Variants in PCDHGA7 observed in about 807,000 individuals in gnomAD.
PCDHGA7 encodes the protein protocadherin gamma-A7.
Under a neutral mutation model 58.3 loss-of-function variants are expected in PCDHGA7, and 44 were observed. The ratio of observed to expected loss-of-function variants is 0.75; its 90% CI spans 0.59 to 0.97. The LOEUF is 0.97. Ranked by LOEUF, PCDHGA7 falls within the 50% of genes least tolerant of loss-of-function variation. The pLI, the probability that PCDHGA7 is intolerant of heterozygous loss-of-function variation, is 0.00. For synonymous variants in PCDHGA7, 516 were observed against 504.2 expected, an observed-to-expected ratio of 1.02 and a Z score of -0.31; for missense variants, 1,266 against 1,188.7, an observed-to-expected ratio of 1.06 and a Z score of -0.96.
intron 1 of PCDHGA7, among the ~76,000 whole-genome samples, chr5:141,455,172 G>GT (rs1344126228): frequency 3.3e-5 from 5 of 150,340 alleles, no homozygotes; most frequent in South Asian, 4.2e-4. Context: ...TTTTTTTTTA[G>GT]TTTTTTTATT....
chr5:141,413,909 T>A (rs772084941), intron 1 of PCDHGA7: 1 of 1,613,316 alleles, frequency 6.2e-7, no homozygotes. Flanking sequence ...AACGCGCCGG[T>A]CTTCACCTTG....
At chr5:141,412,861 A>T (rs925106716) in intron 1 of PCDHGA7, 19 of 235,604 alleles carry the variant, frequency 8.1e-5, no homozygotes, top group African/African-American at 3.4e-4. Context: ...CAAAGAATCT[A>T]TGTAAAATAT....
chr5:141,419,759 G>A (rs1179602962), intron 1 of PCDHGA7: 2 of 1,614,004 alleles, frequency 1.2e-6, no homozygotes, highest in Admixed American at 3.3e-5. Context: ...TGCTTTGGGT[G>A]ACAAGGACTC....
chr5:141,475,167 G>A (rs529813171), intron 1 of PCDHGA7, among the ~76,000 whole-genome samples: 4 of 152,042 alleles, frequency 2.6e-5, no homozygotes, highest in Admixed American at 6.6e-5. Flanking sequence ...CATTAGCAGT[G>A]CAACTTCTTG....
At chr5:141,421,678 G>T in intron 1 of PCDHGA7, 3 of 1,613,892 alleles carry the variant, frequency 1.9e-6, no homozygotes, top group Non-Finnish European at 2.5e-6. Context: ...AATTCCTGGG[G>T]CGCGATTTGC....
intron 3 of PCDHGA7, among the ~76,000 whole-genome samples, chr5:141,507,713 C>T (rs2099862763): frequency 6.6e-6 from 1 of 152,234 alleles, no homozygotes; most frequent in Non-Finnish European, 1.5e-5. Flanking sequence ...GGCCCCAAAC[C>T]CTCCAAGCAA....
At chr5:141,414,310 G>A in intron 1 of PCDHGA7, 1 of 1,613,722 alleles carries the variant, frequency 6.2e-7, no homozygotes, top group South Asian at 1.1e-5. Context: ...GCATGATTTA[G>A]ACTCTGAGCA....
At chr5:141,452,511 A>G (rs573632978) in intron 1 of PCDHGA7, among the ~76,000 whole-genome samples, 1 of 152,056 alleles carries the variant, frequency 6.6e-6, no homozygotes, top group South Asian at 2.1e-4. Context: ...TTGTACACAC[A>G]CTCCCTCAAA....
chr5:141,432,281 A>C lies in PCDHGA7; in HGVS notation c.2424+46958A>C, dbSNP rs1313887209. 1 of 1,614,188 alleles carries C rather than the reference A, an allele frequency of 6.2e-7. No individual in the cohort carries two copies. The highest frequency in any genetic ancestry group is 1.1e-5 in the South Asian group (1 of 91,084). On this transcript the variant is annotated intron_variant, in intron 1 of 3. Coordinates refer to ENST00000518325, the MANE Select transcript of PCDHGA7 (RefSeq NM_018920.4). The surrounding 1 kb of genome is among the most constrained non-coding windows in gnomAD (Gnocchi z 6.0). The stretch of plus-strand genomic sequence containing the variant: ...AAGCCTATCGTCCTACGTGTCCATC[A>C]ACTCCGACACTGGGGTACTGTATGC...
intron 1 of PCDHGA7, among the ~76,000 whole-genome samples, chr5:141,494,146 T>C (rs1167835696): frequency 1.3e-5 from 2 of 152,168 alleles, no homozygotes; most frequent in Non-Finnish European, 2.9e-5. Context: ...TCACAGACCA[T>C]TGTCTGGCAC....
intron 1 of PCDHGA7, among the ~76,000 whole-genome samples, chr5:141,463,641 C>T (rs182957065): frequency 2.0e-5 from 3 of 151,734 alleles, no homozygotes; most frequent in African/African-American, 7.2e-5. Context: ...TTAGTAGAGA[C>T]GGGGTTTCAC....
At position 141,485,162 on chromosome 5, in the gene PCDHGA7, C is replaced by A. The variant is rs759021453; in HGVS notation, c.2425-9645C>A. The A allele has an allele frequency of 8.7e-6, 14 of 1,602,188 alleles. No individual in the cohort carries two copies. The Admixed American group carries it at 2.0e-4, about 23-fold the overall frequency. ...GTCTCAGGAGCAAGTAGAGAATTAGCGGGCGGCAGCAATGCTCCGCAAGGT... is the reference window on the plus strand; with the variant it reads ...GTCTCAGGAGCAAGTAGAGAATTAGAGGGCGGCAGCAATGCTCCGCAAGGT... On this transcript the variant is annotated intron_variant, in intron 1 of 3. Transcript: ENST00000518325. The surrounding 1 kb of genome is among the most constrained non-coding windows in gnomAD (Gnocchi z 5.7).
intron 1 of PCDHGA7, chr5:141,423,463 G>C (rs772779471): frequency 1.2e-6 from 2 of 1,613,874 alleles, no homozygotes; most frequent in South Asian, 2.2e-5. Context: ...AGGCGTGGAC[G>C]GGGTACAGGC....
At chr5:141,405,659 G>T (rs867774573) in intron 1 of PCDHGA7, among the ~76,000 whole-genome samples, 1 of 152,106 alleles carries the variant, frequency 6.6e-6, no homozygotes, top group East Asian at 1.9e-4. Flanking sequence ...TGTGTTTTTA[G>T]TAGAGACGGG....
intron 1 of PCDHGA7, among the ~76,000 whole-genome samples, chr5:141,463,721 C>T (rs1012411825): frequency 1.3e-5 from 2 of 152,046 alleles, no homozygotes; most frequent in Non-Finnish European, 2.9e-5. Flanking sequence ...GCTGGGATTA[C>T]AGGCATGAGC....
Position 141,485,227 on chromosome 5 carries a change from G to T in PCDHGA7, c.2425-9580G>T. Reference sequence around the variant, plus strand: ...AAATCTGGCGGTGGGCTACCCTTTTGTTCCTCTTTTACCACCTGGGTTACG... The same window carrying T: ...AAATCTGGCGGTGGGCTACCCTTTTTTTCCTCTTTTACCACCTGGGTTACG... On this transcript the variant is annotated intron_variant, in intron 1 of 3. Transcript: ENST00000518325. The surrounding 1 kb of genome is among the most constrained non-coding windows in gnomAD (Gnocchi z 5.7). The T allele has an allele frequency of 6.2e-7, 1 of 1,614,186 alleles. No individual in the cohort carries two copies. Among genetic ancestry groups the T allele is most frequent in the Non-Finnish European group, 8.5e-7 (1 of 1,180,020 alleles).
chr5:141,476,018 A>G lies in PCDHGA7; in HGVS notation c.2425-18789A>G. 7.3e-7 allele frequency: 1 copy of G among 1,371,412 alleles called. No homozygotes were observed. Among genetic ancestry groups the G allele is most frequent in the African/African-American group, 1.4e-5 (1 of 69,226 alleles). The allele number at this position is 1,371,412 out of a possible 1,614,324, so 85.0% of individuals were successfully genotyped here. A position where few individuals can be genotyped will look rare whatever the true frequency, so the allele number is the denominator to read the frequency against. The stretch of plus-strand genomic sequence containing the variant: ...AACGGCATCCAGAAAGCCATGTCGG[A>G]CTCGGCGCCCAGCGCCCAAGCGCTA... On this transcript the variant is annotated intron_variant, in intron 1 of 3. Coordinates refer to ENST00000518325, the MANE Select transcript of PCDHGA7 (RefSeq NM_018920.4). This position sits in a 1 kb window ranked among gnomAD's most constrained non-coding sequence, Gnocchi z 7.6.
chr5:141,388,032 C>T (rs747852798), intron 1 of PCDHGA7: 3 of 1,431,396 alleles, frequency 2.1e-6, no homozygotes, highest in Non-Finnish European at 1.9e-6. Flanking sequence ...AGTGGGGAAC[C>T]TCGCCACGGA....
intron 1 of PCDHGA7, among the ~76,000 whole-genome samples, chr5:141,473,698 T>A (rs2099327181): frequency 6.6e-6 from 1 of 152,166 alleles, no homozygotes; most frequent in Non-Finnish European, 1.5e-5. Context: ...CTGACCACCC[T>A]CCAAGTGGTG....
Sources: allele counts gnomAD v4.1 joint callset (sites outside exome capture counted in the v4.1 genomes callset), GRCh38; gene constraint gnomAD v4.1.1; non-coding constraint Gnocchi (gnomAD v3.1); transcripts MANE v1.5; gene names NCBI Gene and HGNC (gene_info 2026-07-23, HGNC 2026-07-21).